The following KMT2A variants were observed in gnomAD, a reference collection of about 807,000 sequenced individuals.
The protein encoded by KMT2A is histone-lysine N-methyltransferase 2A.
A neutral mutation model predicts 345.3 loss-of-function variants in KMT2A; 16 were observed. The ratio of observed to expected loss-of-function variants is 0.05; its 90% CI spans 0.03 to 0.07. The LOEUF (loss-of-function observed/expected upper bound fraction) is 0.07. Ranked by LOEUF, KMT2A falls within the 10% of genes least tolerant of loss-of-function variation. The probability of loss-of-function intolerance (pLI) is 1.00; values close to 1 mark genes in which losing one functional copy is unlikely to be tolerated. For synonymous variants in KMT2A, 1,599 were observed against 1,778.6 expected (o/e 0.90, Z 2.54); for missense variants, 3,272 against 4,841.6 (o/e 0.68, Z 9.62).
At chr11:118,479,624 T>A (rs1950096645) in intron 5 of KMT2A, among the ~76,000 whole-genome samples, 1 of 152,184 alleles carries the variant, frequency 6.6e-6, no homozygotes, top group Admixed American at 6.5e-5. Context: ...CACAAAAAAG[T>A]ACATGATAGC....
At chr11:118,482,150 G>T in intron 7 of KMT2A, 58 bp downstream of exon 7, 1 of 1,521,412 alleles carries the variant, frequency 6.6e-7, no homozygotes, top group Non-Finnish European at 8.8e-7. Context: ...AAAAAGCACT[G>T]ATGTCTCAAA....
rs782151492 is a variant in KMT2A at position 118,502,798 on chromosome 11, G to C, written c.6906G>C (p.Lys2302Asn). ...KQSSASDLVS[K>N]SSSLKGEKTK... ...CCAGTGCTTCAGACTTGGTGTCCAA[G>C]AGCTCCTCTTTAAAGGGAGAGAAGA... Residue 2302 changes from lysine (K) to asparagine (N), a missense_variant, in exon 27 of 36, where the codon AAG becomes AAC. Around this residue, in one of 27 missense-constraint regions of KMT2A, gnomAD observed 445 missense variants for 500.9 expected, o/e 0.89. Transcript: ENST00000534358. The surrounding 1 kb of genome is among the most constrained non-coding windows in gnomAD (Gnocchi z 4.9). The C allele has an allele frequency of 2.5e-6, 4 of 1,614,174 alleles. No homozygotes were observed. In the Admixed American group the frequency reaches 6.7e-5, roughly 27 times the overall value.
intron 32 of KMT2A, 25 bp from the exon 33 acceptor site, chr11:118,519,932 A>G (rs1195974126): frequency 1.3e-6 from 2 of 1,594,216 alleles, no homozygotes; most frequent in East Asian, 4.5e-5. Flanking sequence ...ATTTCTCTAA[A>G]TATGTTTTAA....
chr11:118,496,429 G>C lies in KMT2A; in HGVS notation c.5664+62G>C. 1.7e-6 allele frequency: 2 copies of C among 1,166,408 alleles called. No homozygotes were observed. Among genetic ancestry groups the C allele is most frequent in the Non-Finnish European group, 2.6e-6 (2 of 775,696 alleles). The allele number at this position is 1,166,408 out of a possible 1,614,324, so 72.3% of individuals were successfully genotyped here. A position where few individuals can be genotyped will look rare whatever the true frequency, so the allele number is the denominator to read the frequency against. ...TACTCCAAAAGAACTGTTTGTCCTTGTGTCCATACTTGATGACTGGGTGCC... is the reference window on the plus strand; with the variant it reads ...TACTCCAAAAGAACTGTTTGTCCTTCTGTCCATACTTGATGACTGGGTGCC... On this transcript the variant is annotated intron_variant, in intron 20 of 35. Coordinates refer to ENST00000534358, the MANE Select transcript of KMT2A (RefSeq NM_001197104.2). This position sits in a 1 kb window ranked among gnomAD's most constrained non-coding sequence, Gnocchi z 4.7.
intron 1 of KMT2A, among the ~76,000 whole-genome samples, chr11:118,462,232 G>C (rs571480243): frequency 1.3e-5 from 2 of 152,284 alleles, no homozygotes; most frequent in South Asian, 4.1e-4. Context: ...GGGATTACAG[G>C]TGTGAACCAC....
chr11:118,488,641 C>G lies in KMT2A; in HGVS notation c.4360C>G (p.Pro1454Ala). The G allele has an allele frequency of 6.2e-7, 1 of 1,613,758 alleles. No homozygotes were observed. Among genetic ancestry groups the G allele is most frequent in the Non-Finnish European group, 8.5e-7 (1 of 1,179,762 alleles). ...EFVYCQVCCEPFHKFCLEENE... is the reference protein window; with the variant it reads ...EFVYCQVCCEAFHKFCLEENE... ...TGTGTATTGCCAAGTCTGTTGTGAG[C>G]CCTTCCACAAGTTTTGTTTAGAGGA... is the stretch of plus-strand genomic sequence containing the variant. The change falls in exon 11 of 36, where the codon CCC becomes GCC. Residue 1454 changes from proline (P) to alanine (A), a missense_variant. Pro to Ala is a conservative substitution (Grantham distance 27). Transcript: ENST00000534358.
chr11:118,519,659 G>T lies in KMT2A; in HGVS notation c.11188G>T (p.Val3730Phe). 6.2e-7 allele frequency: 1 copy of T among 1,614,144 alleles called. No homozygotes were observed. Among genetic ancestry groups the T allele is most frequent in the Non-Finnish European group, 8.5e-7 (1 of 1,180,004 alleles). The stretch of plus-strand genomic sequence containing the variant: ...GATGCTGGGGATTCTCCATGATGCA[G>T]TTGTGTTCCTCATTGAGCAGCTGTC... ...LRMLGILHDA[V>F]VFLIEQLSGA... The change falls in exon 32 of 36, where the codon GTT (valine) becomes TTT (phenylalanine). Residue 3730 changes from valine (V) to phenylalanine (F), a missense_variant. Coordinates refer to ENST00000534358, the MANE Select transcript of KMT2A (RefSeq NM_001197104.2).
At chr11:118,445,216 G>A (rs1226706857) in intron 1 of KMT2A, among the ~76,000 whole-genome samples, 2 of 152,078 alleles carry the variant, frequency 1.3e-5, no homozygotes, top group Admixed American at 6.5e-5. Context: ...CAAATTGAAG[G>A]CCAGCCACCC....
intron 1 of KMT2A, among the ~76,000 whole-genome samples, chr11:118,443,417 T>A (rs1949354091): frequency 6.6e-6 from 1 of 152,208 alleles, no homozygotes; most frequent in African/African-American, 2.4e-5. Flanking sequence ...CTTGTCAGGT[T>A]ACACACCAGG....
chr11:118,519,825 G>T (rs1389264103), intron 32 of KMT2A, 33 bp downstream of exon 32: 2 of 1,603,102 alleles, frequency 1.2e-6, no homozygotes, highest in African/African-American at 2.7e-5. Flanking sequence ...AGCAGTTTTG[G>T]GTCTCGATTT....
intron 10 of KMT2A, chr11:118,488,376 T>G (rs1555041484): frequency 1.9e-6 from 1 of 522,440 alleles, no homozygotes; most frequent in African/African-American, 1.9e-5. Context: ...TGTTAAATCT[T>G]GTATTATATT....
chr11:118,445,905 G>A (rs1949409801), intron 1 of KMT2A, among the ~76,000 whole-genome samples: 1 of 152,108 alleles, frequency 6.6e-6, no homozygotes. Flanking sequence ...TCGGGAGGCT[G>A]AGGCAGGAGA....
chr11:118,509,891 A>AAAT lies in KMT2A; in HGVS notation c.10901-57_10901-56insAAT. On this transcript the variant is annotated intron_variant, in intron 29 of 35. Coordinates refer to ENST00000534358, the MANE Select transcript of KMT2A (RefSeq NM_001197104.2). ...CATTTATGTAAAGTACTCTACATGT[A>AAAT]GTCAGTGCTCAGTGAGCATTTGTTA... The AAAT allele has an allele frequency of 4.7e-6, 6 of 1,272,508 alleles. No individual in the cohort carries two copies. The South Asian group carries it at 6.9e-5, about 15-fold the overall frequency. The allele number at this position is 1,272,508 out of a possible 1,614,324, so 78.8% of individuals were successfully genotyped here.
At chr11:118,468,640 C>T in intron 1 of KMT2A, 135 bp from the exon 2 acceptor site, 2 of 669,462 alleles carry the variant, frequency 3.0e-6, no homozygotes, top group Admixed American at 4.0e-5. Flanking sequence ...TTTATAGTAT[C>T]CATTGGAATG....
rs1367628820 is a variant in KMT2A, at chr11:118,503,265, G to C, written c.7373G>C (p.Gly2458Ala). The change falls in exon 27 of 36, where the codon GGT (glycine) becomes GCT (alanine). Residue 2458 changes from glycine (G) to alanine (A), a missense_variant. Transcript: ENST00000534358. The surrounding 1 kb of genome is among the most constrained non-coding windows in gnomAD (Gnocchi z 5.3). ...TTGGAACCTGGTCAGGTGACAACTG[G>C]TGAGGAAGGAAACTTGAAGCCAGAG... ...SFLEPGQVTT[G>A]EEGNLKPEFM... 7 of 1,614,072 alleles carry C rather than the reference G, an allele frequency of 4.3e-6. No individual in the cohort carries two copies. The East Asian group carries it at 1.3e-4, about 31-fold the overall frequency.
intron 31 of KMT2A, among the ~76,000 whole-genome samples, chr11:118,513,090 T>A (rs1167999880): frequency 6.6e-6 from 1 of 152,016 alleles, no homozygotes; most frequent in Non-Finnish European, 1.5e-5. Flanking sequence ...AATAAAAATA[T>A]ATATTAGCCG....
At position 118,493,084 on chromosome 11, in the gene KMT2A, G is replaced by A. The variant is rs1950350668; in HGVS notation, c.5032G>A (p.Glu1678Lys). 1.2e-6 allele frequency: 2 copies of A among 1,613,810 alleles called. No homozygotes were observed. Among genetic ancestry groups the A allele is most frequent in the Non-Finnish European group, 1.7e-6 (2 of 1,179,818 alleles). The part of the protein sequence containing the change: ...QAAKPPDLNP[E>K]TEESIPSRSS... ...TGCCAAGCCTCCAGACTTAAATCCC[G>A]AGACAGAGGAGAGTATACCTTCCCG... is the stretch of plus-strand genomic sequence containing the variant. Residue 1678 changes from glutamate (E) to lysine (K), a missense_variant, in exon 16 of 36, where the codon GAG (glutamate) becomes AAG (lysine). Transcript: ENST00000534358. The surrounding 1 kb of genome is among the most constrained non-coding windows in gnomAD (Gnocchi z 5.8).
intron 15 of KMT2A, 143 bp from the exon 16 acceptor site, chr11:118,492,914 A>G (rs964265402): frequency 3.0e-5 from 20 of 676,122 alleles, no homozygotes; most frequent in Non-Finnish European, 4.8e-5. Flanking sequence ...TTCCTTTTCT[A>G]TTTGAGAAAT....
intron 1 of KMT2A, among the ~76,000 whole-genome samples, chr11:118,445,982 C>T (rs561191141): frequency 2.0e-5 from 3 of 150,726 alleles, no homozygotes; most frequent in East Asian, 3.9e-4. Flanking sequence ...CCAGCCTGGG[C>T]GAAAGAGCAA....
Sources: gnomAD v4.1 joint callset for allele counts (sites outside exome capture counted in the v4.1 genomes callset) on GRCh38, gnomAD v4.1.1 for gene constraint, gnomAD v4.1.1 regional missense constraint, Gnocchi (gnomAD v3.1) non-coding constraint, MANE v1.5 for transcripts, NCBI Gene and HGNC (gene_info 2026-07-23, HGNC 2026-07-21) for gene names.